KMT2D: variants seen among roughly 807,000 people sequenced by gnomAD.
KMT2D encodes histone-lysine N-methyltransferase 2D.
KMT2D carries 55 observed loss-of-function variants against 512.7 expected under a neutral mutation model. The observed-to-expected ratio is 0.11, with a 90% CI of 0.09 to 0.13. KMT2D has a LOEUF of 0.13. Among genes scored for constraint, KMT2D ranks in the 10% least tolerant of loss-of-function variants. KMT2D has a pLI of 1.00. For missense variants in KMT2D, 6,061 were observed against 7,127.9 expected (o/e 0.85, Z 5.39); for synonymous variants, 2,995 against 2,904.0 (o/e 1.03, Z -1.01).
intron 41 of KMT2D, 62 bp from the exon 42 acceptor site, chr12:49,030,830 C>CT: frequency 2.5e-6 from 4 of 1,612,314 alleles, no homozygotes; most frequent in South Asian, 1.1e-5. Context: ...TCTTGCACAG[C>CT]TGGGGGACAG....
In KMT2D at chr12:49,038,541, C is replaced by T. The variant is rs1193728023; in HGVS notation, c.8815G>A (p.Ala2939Thr). Residue 2939 changes from alanine to threonine, a missense_variant, in exon 35 of 55, where the codon GCC becomes ACC. Coordinates refer to ENST00000301067, the MANE Select transcript of KMT2D (RefSeq NM_003482.4). This position sits in a 1 kb window ranked among gnomAD's most constrained non-coding sequence, Gnocchi z 5.7. ...LPPQKPSAPP[A>T]PELNNSLHPT... The stretch of plus-strand genomic sequence containing the variant: ...TGAAGACTGTTGTTCAATTCAGGGG[C>T]CGGTGGGGCTGAGGGTTTCTGTGGG... 6.2e-7 allele frequency: 1 copy of T among 1,611,126 alleles called. No homozygotes were observed.
At position 49,042,541 on chromosome 12, in the gene KMT2D, G is replaced by A. The variant is rs761014842; in HGVS notation, c.5867+20C>T. ...AAGGACAACGAGGACTGCCCACAAAGGTTACGCAGAGACACCAACCTAGAA... is the reference window on the plus strand; with the variant it reads ...AAGGACAACGAGGACTGCCCACAAAAGTTACGCAGAGACACCAACCTAGAA... On this transcript the variant is annotated intron_variant, in intron 28 of 54. Transcript: ENST00000301067. The surrounding 1 kb of genome is among the most constrained non-coding windows in gnomAD (Gnocchi z 4.4). The A allele has an allele frequency of 3.7e-6, 6 of 1,611,776 alleles. No homozygotes were observed. The highest frequency in any genetic ancestry group is 1.7e-5 in the Admixed American group (1 of 59,820).
chr12:49,041,550 C>G lies in KMT2D; in HGVS notation c.6235-15G>C. 3 of 1,613,042 alleles carry G rather than the reference C, an allele frequency of 1.9e-6. No individual in the cohort carries two copies. The highest frequency in any genetic ancestry group is 2.5e-6 in the Non-Finnish European group (3 of 1,179,410). ...CTCTCAGCCTGCTACAGGGGGAGAC[C>G]AGGCATAGGGCAGTCAGGCTGCTGC... On this transcript the variant is annotated splice_polypyrimidine_tract_variant and intron_variant, in intron 31 of 54. Transcript: ENST00000301067. This position sits in a 1 kb window ranked among gnomAD's most constrained non-coding sequence, Gnocchi z 5.4.
In KMT2D at chr12:49,054,055, G is replaced by A. The variant is rs756636221; in HGVS notation, c.596C>T (p.Thr199Ile). Residue 199 changes from threonine to isoleucine, a missense_variant, in exon 6 of 55, where the codon ACT (threonine) becomes ATT (isoleucine). This residue lies in a region of KMT2D where 160 missense variants were observed against 225.8 expected (regional missense o/e 0.71). Transcript: ENST00000301067. The surrounding 1 kb of genome is among the most constrained non-coding windows in gnomAD (Gnocchi z 6.4). ...CATGGATAGGAAGGAACCGCTGGCA[G>A]TCGCGCAGGGGAAGTGGTAAAGCCG... ...CPRLYHFPCA[T>I]ASGSFLSMKT... The A allele has an allele frequency of 6.2e-7, 1 of 1,613,976 alleles. No homozygotes were observed. The highest frequency in any genetic ancestry group is 8.5e-7 in the Non-Finnish European group (1 of 1,179,868).
chr12:49,030,181 C>T (rs941784447), intron 43 of KMT2D, 99 bp downstream of exon 43: 16 of 1,047,470 alleles, frequency 1.5e-5, no homozygotes, highest in Admixed American at 2.2e-5. Flanking sequence ...ACACACAGGA[C>T]AGCAGGCAAC....
Position 49,054,831 on chromosome 12 carries a change from C to G in KMT2D, c.176+69G>C, listed in dbSNP as rs1938311190. The G allele has an allele frequency of 2.5e-6, 4 of 1,603,966 alleles. No homozygotes were observed. The highest frequency in any genetic ancestry group is 3.4e-6 in the Non-Finnish European group (4 of 1,172,416). ...GGCATGCCCATGCTTCCCCAACACT[C>G]ATTTTCCTAAATTCTCTTCCTTGAA... On this transcript the variant is annotated intron_variant, in intron 3 of 54. Transcript: ENST00000301067. This position sits in a 1 kb window ranked among gnomAD's most constrained non-coding sequence, Gnocchi z 6.4.
rs764280781 is a variant in KMT2D, at chr12:49,038,327, G to A, written c.9029C>T (p.Ala3010Val). ...CACATCCACACCCAGACCCAGGTGA[G>A]CAAGCTCTTCATCATCCTCTAGGGC... is the stretch of plus-strand genomic sequence containing the variant. Reference protein sequence around the residue: ...HKALEDDEELAHLGLGVDVAK... With the variant: ...HKALEDDEELVHLGLGVDVAK... The change falls in exon 35 of 55, where the codon GCT becomes GTT. Residue 3010 changes from alanine (A) to valine (V), a missense_variant. Coordinates refer to ENST00000301067, the MANE Select transcript of KMT2D (RefSeq NM_003482.4). This position sits in a 1 kb window ranked among gnomAD's most constrained non-coding sequence, Gnocchi z 5.7. 38 of 1,613,746 alleles carry A rather than the reference G, an allele frequency of 2.4e-5. 1 individual carries two copies. The South Asian group carries it at 3.4e-4, about 14-fold the overall frequency.
Position 49,019,023 on chromosome 12 carries a change from G to C in KMT2D, c.*2757C>G. On this transcript the variant is annotated 3_prime_UTR_variant, in exon 55 of 55. Transcript: ENST00000301067. ...TATTTGTCGTTTAAAAACAAACTTG[G>C]AAGAAGCAAAATCCAAAACTTGCCC... is the stretch of plus-strand genomic sequence containing the variant. The C allele has an allele frequency of 7.2e-7, 1 of 1,386,580 alleles. No individual in the cohort carries two copies. Among genetic ancestry groups the C allele is most frequent in the Non-Finnish European group, 9.3e-7 (1 of 1,072,880 alleles). The allele number at this position is 1,386,580 out of a possible 1,614,324, so 85.9% of individuals were successfully genotyped here.
At position 49,051,095 on chromosome 12, in the gene KMT2D, C is replaced by A. The variant is rs747921601; in HGVS notation, c.2588G>T (p.Arg863Leu). The A allele has an allele frequency of 1.3e-5, 19 of 1,519,988 alleles. No individual in the cohort carries two copies. Among genetic ancestry groups the A allele is most frequent in the East Asian group, 2.3e-5 (1 of 43,894 alleles). 94.2% of individuals were successfully genotyped at this position (1,519,988 alleles called of 1,614,324 possible). Residue 863 changes from arginine (R) to leucine (L), a missense_variant, in exon 11 of 55, where the codon CGG (arginine) becomes CTG (leucine). Coordinates refer to ENST00000301067, the MANE Select transcript of KMT2D (RefSeq NM_003482.4). ...TGGCTCCTCAGGGGGCTTTTCAGGC[C>A]GAGGGGACAGGGGTGGCTTCTCAAG... ...PELEKPPLSP[R>L]PEKPPEEPGQ...
intron 35 of KMT2D, among the ~76,000 whole-genome samples, chr12:49,036,649 C>T (rs1264822681): frequency 1.3e-5 from 2 of 151,848 alleles, no homozygotes; most frequent in Admixed American, 6.6e-5. Context: ...CCACCGCGCC[C>T]GGCTCACACC....
chr12:49,050,929 G>A lies in KMT2D; in HGVS notation c.2754C>T (p.Ser918=), dbSNP rs771915579. The A allele has an allele frequency of 2.0e-6, 3 of 1,538,344 alleles. No homozygotes were observed. The highest frequency in any genetic ancestry group is 2.3e-5 in the East Asian group (1 of 44,180). Residue 918 remains serine, a synonymous_variant, in exon 11 of 55, where the codon TCC becomes TCT. Coordinates refer to ENST00000301067, the MANE Select transcript of KMT2D (RefSeq NM_003482.4). ...LSPLPEELPL[S]PSGEPSLSPQ... ...GCGACAAGGATGGCTCCCCAGATGG[G>A]GACAACGGCAGCTCCTCGGGCAGAG...
At position 49,029,174 on chromosome 12, in the gene KMT2D, C is replaced by T. The variant is rs763740041; in HGVS notation, c.14138G>A (p.Ser4713Asn). The change falls in exon 45 of 55, where the codon AGC becomes AAC. Residue 4713 changes from serine (S) to asparagine (N), a missense_variant. Ser to Asn is a conservative substitution (Grantham distance 46). Coordinates refer to ENST00000301067, the MANE Select transcript of KMT2D (RefSeq NM_003482.4). ...DSIVPASSPE[S>N]ILGEEAPRFP... Reference sequence around the variant, plus strand: ...ACGAGGGGCCTCCTCCCCCAAGATGCTCTCAGGGGATGAAGCTGGCACAAT... The same window carrying T: ...ACGAGGGGCCTCCTCCCCCAAGATGTTCTCAGGGGATGAAGCTGGCACAAT... 1.9e-6 allele frequency: 3 copies of T among 1,613,932 alleles called. No homozygotes were observed. The highest frequency in any genetic ancestry group is 2.5e-6 in the Non-Finnish European group (3 of 1,179,806).
At chr12:49,047,504 G>A (rs547272808) in intron 15 of KMT2D, among the ~76,000 whole-genome samples, 2 of 134,336 alleles carry the variant, frequency 1.5e-5, no homozygotes, top group South Asian at 2.6e-4. Context: ...TGCAACCTCC[G>A]CCTCCTGGGT....
Position 49,042,925 on chromosome 12 carries a change from G to T in KMT2D, c.5645-47C>A, listed in dbSNP as rs1395035996. On this transcript the variant is annotated intron_variant, in intron 26 of 54. Coordinates refer to ENST00000301067, the MANE Select transcript of KMT2D (RefSeq NM_003482.4). This position sits in a 1 kb window ranked among gnomAD's most constrained non-coding sequence, Gnocchi z 4.4. ...TGTTGAGGAAGACTGGGAAGTTCAGGTGACACCACAGGTCTACAAATGATC... is the reference window on the plus strand; with the variant it reads ...TGTTGAGGAAGACTGGGAAGTTCAGTTGACACCACAGGTCTACAAATGATC... 1.9e-6 allele frequency: 3 copies of T among 1,610,816 alleles called. No individual in the cohort carries two copies. The highest frequency in any genetic ancestry group is 1.3e-5 in the African/African-American group (1 of 74,792).
At position 49,022,851 on chromosome 12, in the gene KMT2D, G is replaced by A. The variant is rs2137707798; in HGVS notation, c.16077C>T (p.Ser5359=). 1 of 1,608,144 alleles carries A rather than the reference G, an allele frequency of 6.2e-7. No individual in the cohort carries two copies. Among genetic ancestry groups the A allele is most frequent in the Middle Eastern group, 1.7e-4 (1 of 6,028 alleles). ...YKRPHTLNST[S]MSKAYQSTFT... ...AGGTGCTCTGATATGCCTTAGACAT[G>A]CTGGTGCTGTTCAGGGTATGGGGCC... The change falls in exon 52 of 55, where the codon AGC becomes AGT. Residue 5359 remains serine (S), a synonymous_variant. Transcript: ENST00000301067. The surrounding 1 kb of genome is among the most constrained non-coding windows in gnomAD (Gnocchi z 8.6).
In KMT2D at chr12:49,044,396, AC is replaced by A. The variant is rs1565803543; in HGVS notation, c.5083+6del. 1 of 1,613,210 alleles carries A rather than the reference AC, an allele frequency of 6.2e-7. No homozygotes were observed. Among genetic ancestry groups the A allele is most frequent in the Non-Finnish European group, 8.5e-7 (1 of 1,179,632 alleles). ...CACCACCCCACAACCCCATCCCAGG[AC>A]CTCACCAGGCCGATATGGTTTACGC... On this transcript the variant is annotated splice_donor_region_variant and intron_variant, in intron 21 of 54. Transcript: ENST00000301067. This position sits in a 1 kb window ranked among gnomAD's most constrained non-coding sequence, Gnocchi z 6.4.
In KMT2D at chr12:49,020,720, G is replaced by A. The variant is rs961245680; in HGVS notation, c.*1060C>T. On this transcript the variant is annotated 3_prime_UTR_variant, in exon 55 of 55. Transcript: ENST00000301067. Reference sequence around the variant, plus strand: ...CACTAGGTATGGGCATGCCACTCAGGGATAGCCCTCACCCTACCCCCCACC... The same window carrying A: ...CACTAGGTATGGGCATGCCACTCAGAGATAGCCCTCACCCTACCCCCCACC... 2.3e-4 allele frequency: 48 copies of A among 213,068 alleles called. No homozygotes were observed. The highest frequency in any genetic ancestry group is 1.0e-3 in the African/African-American group (46 of 44,048). 13.2% of individuals were successfully genotyped at this position (213,068 alleles called of 1,614,324 possible). A position where few individuals can be genotyped will look rare whatever the true frequency, so the allele number is the denominator to read the frequency against.
In KMT2D at chr12:49,033,025, T is replaced by G. The variant is rs1190074417; in HGVS notation, c.11680A>C (p.Met3894Leu). The change falls in exon 40 of 55, where the codon ATG becomes CTG. Residue 3894 changes from methionine (M) to leucine (L), a missense_variant. Transcript: ENST00000301067. ...TGCTGAAGCTGCTGTAAAGAGCCCATGGGCTGAGCGCTCAGTTTGGGCTGC... is the reference window on the plus strand; with the variant it reads ...TGCTGAAGCTGCTGTAAAGAGCCCAGGGGCTGAGCGCTCAGTTTGGGCTGC... ...SGQPKLSAQP[M>L]GSLQQLQQQQ... 1.3e-6 allele frequency: 2 copies of G among 1,551,224 alleles called. No individual in the cohort carries two copies. Among genetic ancestry groups the G allele is most frequent in the Non-Finnish European group, 1.7e-6 (2 of 1,146,866 alleles).
rs1938203214 is a variant in KMT2D, at chr12:49,053,401, C to A, written c.839+75G>T. The A allele has an allele frequency of 2.5e-6, 4 of 1,607,198 alleles. No homozygotes were observed. In the Admixed American group the frequency reaches 6.7e-5, roughly 27 times the overall value. The stretch of plus-strand genomic sequence containing the variant: ...TTTTGTTGTTTTCATGTTAACAGGC[C>A]TTCTCCGACTGCCCTCATTTTCAAC... On this transcript the variant is annotated intron_variant, in intron 7 of 54. Transcript: ENST00000301067.
Sources: allele counts gnomAD v4.1 joint callset (sites outside exome capture counted in the v4.1 genomes callset), GRCh38; gene constraint gnomAD v4.1.1; regional missense constraint gnomAD v4.1.1; non-coding constraint Gnocchi (gnomAD v3.1); transcripts MANE v1.5; gene names NCBI Gene and HGNC (gene_info 2026-07-23, HGNC 2026-07-21).